Variants in CPPED1 observed in about 807,000 individuals in gnomAD.
CPPED1 encodes the protein serine/threonine-protein phosphatase CPPED1.
A neutral mutation model predicts 28.0 loss-of-function variants in CPPED1; 28 were observed. That is an observed-to-expected ratio of 1.00 (90% CI 0.74 to 1.37). CPPED1 has a LOEUF of 1.37. CPPED1 is among the 40% of genes most tolerant of loss of function. CPPED1 has a pLI of 0.00. For synonymous variants in CPPED1, 198 were observed against 180.2 expected (o/e 1.10, Z -0.79); for missense variants, 504 against 416.5 (o/e 1.21, Z -1.83).
chr16:12,722,548 G>A (rs2080147027), intron 2 of CPPED1, among the ~76,000 whole-genome samples: 1 of 152,184 alleles, frequency 6.6e-6, no homozygotes, highest in Non-Finnish European at 1.5e-5. Flanking sequence ...ACCAGCCTGG[G>A]CAACACGGCG....
intron 2 of CPPED1, among the ~76,000 whole-genome samples, chr16:12,715,059 T>TC (rs977246644): frequency 2.6e-5 from 4 of 152,140 alleles, no homozygotes; most frequent in Non-Finnish European, 5.9e-5. Context: ...GACTACCCTT[T>TC]CCCCATTGAA....
At chr16:12,739,463 C>T (rs1202788164) in intron 2 of CPPED1, among the ~76,000 whole-genome samples, 1 of 152,096 alleles carries the variant, frequency 6.6e-6, no homozygotes, top group Non-Finnish European at 1.5e-5. Context: ...CGCCTGTAAT[C>T]CCAGCTACTC....
At chr16:12,775,001 G>A (rs1292465385) in intron 2 of CPPED1, among the ~76,000 whole-genome samples, 1 of 152,014 alleles carries the variant, frequency 6.6e-6, no homozygotes, top group Non-Finnish European at 1.5e-5. Context: ...TCTATTTTTT[G>A]TATAGACGGG....
At chr16:12,700,999 G>A (rs1236186359) in intron 3 of CPPED1, among the ~76,000 whole-genome samples, 1 of 152,054 alleles carries the variant, frequency 6.6e-6, no homozygotes, top group Admixed American at 6.5e-5. Flanking sequence ...ATACCCCGGC[G>A]GGAGGGTCAC....
chr16:12,721,784 A>T (rs1351885278), intron 2 of CPPED1, among the ~76,000 whole-genome samples: 2 of 151,828 alleles, frequency 1.3e-5, no homozygotes, highest in Non-Finnish European at 2.9e-5. Flanking sequence ...ATAAATAAAT[A>T]AATAAATAAC....
At chr16:12,699,994 C>A (rs2080012106) in intron 3 of CPPED1, among the ~76,000 whole-genome samples, 1 of 152,234 alleles carries the variant, frequency 6.6e-6, no homozygotes, top group Non-Finnish European at 1.5e-5. Context: ...AGAGCGCCCA[C>A]CTACATGAGC....
chr16:12,740,872 T>C (rs1160374644), intron 2 of CPPED1, among the ~76,000 whole-genome samples: 1 of 152,160 alleles, frequency 6.6e-6, no homozygotes, highest in Non-Finnish European at 1.5e-5. Flanking sequence ...CTGCACCATG[T>C]CCCCTACTGC....
intron 2 of CPPED1, among the ~76,000 whole-genome samples, chr16:12,715,638 C>A (rs1423915305): frequency 6.6e-6 from 1 of 152,118 alleles, no homozygotes; most frequent in Non-Finnish European, 1.5e-5. Context: ...CCAGCCTGAG[C>A]AACAGAGCGA....
At chr16:12,749,579 G>T (rs1215178459) in intron 2 of CPPED1, among the ~76,000 whole-genome samples, 1 of 151,900 alleles carries the variant, frequency 6.6e-6, no homozygotes, top group Non-Finnish European at 1.5e-5. Flanking sequence ...CTCCTCCCAC[G>T]AATCACAAAT....
chr16:12,741,540 C>T (rs1219307447), intron 2 of CPPED1, among the ~76,000 whole-genome samples: 1 of 152,174 alleles, frequency 6.6e-6, no homozygotes, highest in Non-Finnish European at 1.5e-5. Context: ...AATCTGTTCA[C>T]ACAGGCCATC....
chr16:12,729,368 C>T (rs1161248084), intron 2 of CPPED1, among the ~76,000 whole-genome samples: 1 of 152,136 alleles, frequency 6.6e-6, no homozygotes, highest in Non-Finnish European at 1.5e-5. Context: ...ACTTGAAGAA[C>T]GTGATCAGCT....
intron 2 of CPPED1, among the ~76,000 whole-genome samples, chr16:12,720,005 G>GCA (rs376067111): frequency 2.8e-4 from 43 of 151,060 alleles, no homozygotes; most frequent in African/African-American, 6.5e-4. Context: ...TACACTATGT[G>GCA]CACACACACA....
At chr16:12,732,350 GAA>G (rs34848941) in intron 2 of CPPED1, among the ~76,000 whole-genome samples, 3 of 141,294 alleles carry the variant, frequency 2.1e-5, no homozygotes, top group African/African-American at 2.6e-5. Context: ...GCAAGGAAGT[GAA>G]AAAAAAAAAA....
chr16:12,715,732 T>C (rs2080103747), intron 2 of CPPED1, among the ~76,000 whole-genome samples: 1 of 152,054 alleles, frequency 6.6e-6, no homozygotes, highest in Non-Finnish European at 1.5e-5. Flanking sequence ...TTCTCCATGT[T>C]GGTCAGGCTG....
In CPPED1 at chr16:12,750,851, C is replaced by T. The variant is rs2080323307; in HGVS notation, c.289+30334G>A. Among the ~76,000 whole-genome samples, 3 of 151,996 alleles carry T rather than the reference C, an allele frequency of 2.0e-5. No homozygotes were observed. In the South Asian group the frequency reaches 6.2e-4, roughly 32 times the overall value. ...CCAGGCGTGGTGCCTCATGTCTATA[C>T]CAGCTACTCGGGAGGCTGAGGCAGG... On this transcript the variant is annotated intron_variant, in intron 2 of 3. Coordinates refer to ENST00000381774, the MANE Select transcript of CPPED1 (RefSeq NM_018340.3).
At chr16:12,766,989 G>A (rs567926748) in intron 2 of CPPED1, among the ~76,000 whole-genome samples, 1 of 140,950 alleles carries the variant, frequency 7.1e-6, no homozygotes, top group Non-Finnish European at 1.5e-5. Context: ...CTCCATGGTT[G>A]CTCAGAGGTC....
intron 3 of CPPED1, among the ~76,000 whole-genome samples, chr16:12,678,218 G>A (rs759861223): frequency 2.0e-5 from 3 of 152,178 alleles, no homozygotes; most frequent in Non-Finnish European, 4.4e-5. Flanking sequence ...AAATAAGGGA[G>A]GCAAGTGAAT....
intron 1 of CPPED1, among the ~76,000 whole-genome samples, chr16:12,794,305 C>G (rs932540133): frequency 6.6e-6 from 1 of 152,002 alleles, no homozygotes; most frequent in African/African-American, 2.4e-5. Flanking sequence ...ACACTAAAAG[C>G]CACTGAATTG....
rs776101804 is a variant in CPPED1, at chr16:12,664,895, C to T, written c.936G>A (p.Lys312=). ...GGAACGGGAAGGAGCGTCATTTTTT[C>T]TTGATCAAATCCATGAGATCGTCTT... is the stretch of plus-strand genomic sequence containing the variant. ...GIEDDLMDLI[K]KK Residue 312 remains lysine, a synonymous_variant, in exon 4 of 4, where the codon AAG becomes AAA. Transcript: ENST00000381774. The surrounding 1 kb of genome is among the most constrained non-coding windows in gnomAD (Gnocchi z 4.2). 7 of 1,604,610 alleles carry T rather than the reference C, an allele frequency of 4.4e-6. No individual in the cohort carries two copies. In the Admixed American group the frequency reaches 5.2e-5, roughly 12 times the overall value.
Sources: allele counts gnomAD v4.1 joint callset (sites outside exome capture counted in the v4.1 genomes callset), GRCh38; gene constraint gnomAD v4.1.1; non-coding constraint Gnocchi (gnomAD v3.1); transcripts MANE v1.5; gene names NCBI Gene and HGNC (gene_info 2026-07-23, HGNC 2026-07-21).